Variants in PLCXD1 observed in about 807,000 individuals in gnomAD.
PLCXD1 encodes the protein PI-PLC X domain-containing protein 1.
In PLCXD1, 45 loss-of-function variants were observed where a neutral mutation model predicts 37.8. That is an observed-to-expected ratio of 1.19 (90% CI 0.94 to 1.53). PLCXD1 has a LOEUF of 1.53. Ranked by LOEUF, PLCXD1 falls within the 40% of genes most tolerant of loss-of-function variation. The pLI, the probability that PLCXD1 is intolerant of heterozygous loss-of-function variation, is 0.00. For missense variants in PLCXD1, 539 were observed against 454.7 expected (o/e 1.19, Z -1.69); for synonymous variants, 246 against 206.9 (o/e 1.19, Z -1.62).
chrX:303,235 A>G lies in PLCXD1; in HGVS notation c.*3900A>G, dbSNP rs1261887910. The G allele has an allele frequency of 6.6e-5, 10 of 152,194 alleles. No individual in the cohort carries two copies. Among genetic ancestry groups the G allele is most frequent in the Admixed American group, 6.5e-4 (10 of 15,272 alleles). 9.4% of individuals were successfully genotyped at this position (152,194 alleles called of 1,614,324 possible). ...GCTCGGGCAGGCCCCGCGGAGATGA[A>G]GAATTTGCAGGGAGCCTCCCTGACT... On this transcript the variant is annotated 3_prime_UTR_variant, in exon 7 of 7. Coordinates refer to ENST00000381657, the MANE Select transcript of PLCXD1 (RefSeq NM_018390.4).
intron 2 of PLCXD1, among the ~76,000 whole-genome samples, chrX:284,634 A>G (rs764179410): frequency 4.0e-5 from 6 of 148,664 alleles, no homozygotes; most frequent in African/African-American, 1.2e-4. Context: ...GCACACGCAC[A>G]TCTGCACACA....
At chrX:290,523 T>C in intron 3 of PLCXD1, 125 bp from the exon 4 acceptor site, 1 of 1,002,330 alleles carries the variant, frequency 1.0e-6, no homozygotes. Context: ...CAAACAGCTG[T>C]TGTTACGACA....
At chrX:293,278 A>C in intron 6 of PLCXD1, 60 bp downstream of exon 6, 1 of 1,344,842 alleles carries the variant, frequency 7.4e-7, no homozygotes, top group Non-Finnish European at 1.0e-6. Flanking sequence ...GCCCTGCGGC[A>C]GGCCGGGTCC....
chrX:291,006 T>C (rs191552464), intron 4 of PLCXD1, among the ~76,000 whole-genome samples: 1,762 of 146,928 alleles, frequency 0.012, 67 homozygotes, highest in African/African-American at 0.044. Context: ...CGGCGGGAGG[T>C]GGCCAAGCTC....
chrX:276,615 G>T (rs943779414), upstream of PLCXD1, among the ~76,000 whole-genome samples: 1 of 152,162 alleles, frequency 6.6e-6, no homozygotes, highest in African/African-American at 2.4e-5. Context: ...CAGGCGGCCT[G>T]CACCCCTTGC....
Position 299,741 on chromosome X carries a change from A to C in PLCXD1, c.*406A>C. The C allele has an allele frequency of 4.7e-6, 1 of 211,108 alleles. No homozygotes were observed. The highest frequency in any genetic ancestry group is 9.2e-6 in the Non-Finnish European group (1 of 108,544). 13.1% of individuals were successfully genotyped at this position (211,108 alleles called of 1,614,324 possible). On this transcript the variant is annotated 3_prime_UTR_variant, in exon 7 of 7. Coordinates refer to ENST00000381657, the MANE Select transcript of PLCXD1 (RefSeq NM_018390.4). ...CACTGCACTCCAGTCTGAATGATAG[A>C]CCGAGACTCCATCTCAAAAGAAAAA... is the stretch of plus-strand genomic sequence containing the variant.
chrX:295,710 G>T (rs372542828), intron 6 of PLCXD1, among the ~76,000 whole-genome samples: 1 of 151,610 alleles, frequency 6.6e-6, no homozygotes, highest in African/African-American at 2.4e-5. Flanking sequence ...TGTATTTTTA[G>T]TAGAGACAGG....
At chrX:289,554 A>C (rs1195976938) in intron 3 of PLCXD1, among the ~76,000 whole-genome samples, 13 of 123,554 alleles carry the variant, frequency 1.1e-4, no homozygotes, top group Non-Finnish European at 1.8e-4. Flanking sequence ...ACTGCCGCCC[A>C]GGCTGGAGTG....
In PLCXD1 at chrX:301,114, G is replaced by A. The variant is rs943331376; in HGVS notation, c.*1779G>A. 11 of 151,906 alleles carry A rather than the reference G, an allele frequency of 7.2e-5. No individual in the cohort carries two copies. Among genetic ancestry groups the A allele is most frequent in the Non-Finnish European group, 1.3e-4 (9 of 68,058 alleles). 9.4% of individuals were successfully genotyped at this position (151,906 alleles called of 1,614,324 possible). On this transcript the variant is annotated 3_prime_UTR_variant, in exon 7 of 7. Coordinates refer to ENST00000381657, the MANE Select transcript of PLCXD1 (RefSeq NM_018390.4). ...CAGCCTCAACCTCCTGGGCTCAAGC[G>A]ATCCTCTCAGCTCAGCCTCCCGTGT...
rs2070046487 is a variant in PLCXD1, at chrX:302,435, T to C, written c.*3100T>C. The C allele has an allele frequency of 6.6e-6, 1 of 151,992 alleles. No individual in the cohort carries two copies. Among genetic ancestry groups the C allele is most frequent in the Non-Finnish European group, 1.5e-5 (1 of 68,024 alleles). 9.4% of individuals were successfully genotyped at this position (151,992 alleles called of 1,614,324 possible). ...TGAGATGGATTTTCCCTCTTGTTGT[T>C]CAGGCTGGAGTGCAATGGCACGATC... On this transcript the variant is annotated 3_prime_UTR_variant, in exon 7 of 7. Transcript: ENST00000381657.
At chrX:296,201 A>G (rs888851810) in intron 6 of PLCXD1, among the ~76,000 whole-genome samples, 2 of 151,016 alleles carry the variant, frequency 1.3e-5, no homozygotes, top group African/African-American at 2.4e-5. Flanking sequence ...GCTCACTGCA[A>G]CCTCCACCTC....
At chrX:285,073 T>C (rs1398026280) in intron 2 of PLCXD1, among the ~76,000 whole-genome samples, 1 of 151,458 alleles carries the variant, frequency 6.6e-6, no homozygotes, top group Non-Finnish European at 1.5e-5. Flanking sequence ...TAGGTGCACA[T>C]AGGCACACAT....
upstream of PLCXD1, chrX:281,216 AG>A (rs2069268126): frequency 4.0e-6 from 1 of 247,826 alleles, no homozygotes; most frequent in African/African-American, 2.4e-5. Context: ...GCTGCAGAGA[AG>A]GGGCCAGCTC....
At chrX:284,653 C>T (rs1417422067) in intron 2 of PLCXD1, among the ~76,000 whole-genome samples, 1 of 103,836 alleles carries the variant, frequency 9.6e-6, no homozygotes, top group Non-Finnish European at 2.5e-5. Flanking sequence ...CACACATGCA[C>T]ATCTGCACAC....
chrX:289,604 C>T (rs992915137), intron 3 of PLCXD1, among the ~76,000 whole-genome samples: 15 of 151,044 alleles, frequency 9.9e-5, no homozygotes, highest in Admixed American at 4.6e-4. Flanking sequence ...CTCCGCCTCC[C>T]GGGTTCACGC....
intron 3 of PLCXD1, among the ~76,000 whole-genome samples, chrX:289,771 A>G (rs1301371730): frequency 2.0e-5 from 3 of 151,534 alleles, no homozygotes; most frequent in Non-Finnish European, 2.9e-5. Context: ...TCAGCCTCCC[A>G]AAGTGCTGGG....
intron 6 of PLCXD1, among the ~76,000 whole-genome samples, chrX:294,366 C>T (rs1374020088): frequency 6.6e-6 from 1 of 151,992 alleles, no homozygotes; most frequent in Non-Finnish European, 1.5e-5. Flanking sequence ...CCTGTAATCC[C>T]AGCTACTCCG....
upstream of PLCXD1, among the ~76,000 whole-genome samples, chrX:279,297 C>T (rs2069213363): frequency 6.6e-6 from 1 of 152,130 alleles, no homozygotes; most frequent in East Asian, 1.9e-4. Flanking sequence ...CTCCAGACTT[C>T]TTGGCTCCTG....
intron 1 of PLCXD1, among the ~76,000 whole-genome samples, chrX:282,224 C>T (rs1202839447): frequency 6.6e-6 from 1 of 152,108 alleles, no homozygotes; most frequent in Non-Finnish European, 1.5e-5. Flanking sequence ...GATTAAAAAT[C>T]TTACATACAT....
Sources: allele counts gnomAD v4.1 joint callset (sites outside exome capture counted in the v4.1 genomes callset), GRCh38; gene constraint gnomAD v4.1.1; transcripts MANE v1.5; gene names NCBI Gene and HGNC (gene_info 2026-07-23, HGNC 2026-07-21).